LRRTM4: variants seen among roughly 807,000 people sequenced by gnomAD.
LRRTM4 encodes leucine-rich repeat transmembrane neuronal protein 4.
In LRRTM4, 25 loss-of-function variants were observed where a neutral mutation model predicts 47.6. That is an observed-to-expected ratio of 0.53 (90% CI 0.38 to 0.73). LRRTM4 has a LOEUF of 0.73. Among genes scored for constraint, LRRTM4 ranks in the 30% least tolerant of loss-of-function variants. The pLI is 0.00. For synonymous variants in LRRTM4, 311 were observed against 269.5 expected (o/e 1.15, Z -1.51); for missense variants, 638 against 713.4 (o/e 0.89, Z 1.20).
intron 3 of LRRTM4, among the ~76,000 whole-genome samples, chr2:76,954,255 T>C (rs1675596909): frequency 2.0e-5 from 3 of 151,472 alleles, no homozygotes; most frequent in Admixed American, 6.6e-5. Flanking sequence ...TGTATATAAA[T>C]TACATAACAA....
chr2:77,138,235 C>A (rs1052543801), intron 3 of LRRTM4, among the ~76,000 whole-genome samples: 15 of 152,158 alleles, frequency 9.9e-5, no homozygotes, highest in Non-Finnish European at 2.2e-4. Context: ...AAGCACTCCT[C>A]AGCAAATGTA....
chr2:77,323,236 A>AG (rs1670614270), intron 3 of LRRTM4, among the ~76,000 whole-genome samples: 1 of 152,000 alleles, frequency 6.6e-6, no homozygotes, highest in Admixed American at 6.6e-5. Context: ...AATGCCAGAA[A>AG]TTTTTCCCCA....
Position 77,237,984 on chromosome 2 carries a change from G to A in LRRTM4, c.1551+280334C>T, listed in dbSNP as rs1403926502. ...GGTTGATAATAAACTGGTTGCTATG[G>A]GTATGGGGTGGGGAGGAAATGAAGA... On this transcript the variant is annotated intron_variant, in intron 3 of 3. Coordinates refer to ENST00000409884, the MANE Select transcript of LRRTM4 (RefSeq NM_001134745.3). Among the ~76,000 whole-genome samples, 3 of 152,034 alleles carry A rather than the reference G, an allele frequency of 2.0e-5. No homozygotes were observed. In the East Asian group the frequency reaches 5.8e-4, roughly 29 times the overall value.
At chr2:76,849,143 A>G (rs537207191) in intron 3 of LRRTM4, among the ~76,000 whole-genome samples, 7 of 152,090 alleles carry the variant, frequency 4.6e-5, no homozygotes, top group Non-Finnish European at 8.8e-5. Flanking sequence ...CACAGTATTA[A>G]TAATAGCTGA....
chr2:77,254,050 A>G (rs935488982), intron 3 of LRRTM4, among the ~76,000 whole-genome samples: 1 of 152,120 alleles, frequency 6.6e-6, no homozygotes, highest in African/African-American at 2.4e-5. Flanking sequence ...ATATACACAC[A>G]CATACATCAT....
intron 3 of LRRTM4, among the ~76,000 whole-genome samples, chr2:77,286,374 A>T (rs1246354816): frequency 6.6e-6 from 1 of 152,030 alleles, no homozygotes; most frequent in African/African-American, 2.4e-5. Flanking sequence ...TTAATTTTTT[A>T]AATTGTTACT....
intron 3 of LRRTM4, among the ~76,000 whole-genome samples, chr2:77,097,791 G>A (rs1037343280): frequency 2.0e-5 from 3 of 151,804 alleles, no homozygotes; most frequent in African/African-American, 7.3e-5. Flanking sequence ...AGAGAACAAT[G>A]TGACACAAAA....
intron 3 of LRRTM4, among the ~76,000 whole-genome samples, chr2:77,064,249 AAAG>A (rs1235276854): frequency 2.6e-5 from 4 of 152,190 alleles, no homozygotes; most frequent in African/African-American, 4.8e-5. Context: ...GCATAAGCTT[AAAG>A]AAGTGATAAC....
chr2:77,157,307 A>C (rs565611107), intron 3 of LRRTM4, among the ~76,000 whole-genome samples: 1 of 152,174 alleles, frequency 6.6e-6, no homozygotes, highest in Non-Finnish European at 1.5e-5. Context: ...GGGAATCATC[A>C]TATCAGTAAG....
chr2:77,070,357 G>A (rs1441178953), intron 3 of LRRTM4, among the ~76,000 whole-genome samples: 1 of 151,980 alleles, frequency 6.6e-6, no homozygotes, highest in African/African-American at 2.4e-5. Context: ...TTTATTGAGA[G>A]ACAAATTTTC....
chr2:76,991,780 T>C (rs1558783079), intron 3 of LRRTM4, among the ~76,000 whole-genome samples: 5 of 151,670 alleles, frequency 3.3e-5, no homozygotes, highest in Non-Finnish European at 7.4e-5. Context: ...CCCTAAATCA[T>C]TCTATGAATC....
At chr2:76,853,165 T>C (rs1929443) in intron 3 of LRRTM4, among the ~76,000 whole-genome samples, 20,888 of 151,952 alleles carry the variant, frequency 0.14, 1,829 homozygotes, top group Admixed American at 0.2. Flanking sequence ...GCAATCACAT[T>C]TGGTGTTAGA....
intron 3 of LRRTM4, among the ~76,000 whole-genome samples, chr2:76,896,606 TAG>T: frequency 6.6e-6 from 1 of 152,002 alleles, no homozygotes; most frequent in South Asian, 2.1e-4. Context: ...GTCAATTGTT[TAG>T]AGAGTTTTTT....
chr2:76,771,572 T>C (rs1673707301), intron 3 of LRRTM4, among the ~76,000 whole-genome samples: 1 of 150,690 alleles, frequency 6.6e-6, no homozygotes, highest in Non-Finnish European at 1.5e-5. Context: ...CTTCGGGCTT[T>C]GGCTAAAACA....
chr2:77,135,652 G>T (rs1572996402), intron 3 of LRRTM4, among the ~76,000 whole-genome samples: 1 of 152,110 alleles, frequency 6.6e-6, no homozygotes, highest in African/African-American at 2.4e-5. Flanking sequence ...GAACCAGAAA[G>T]CTATGGAGAA....
Position 77,060,373 on chromosome 2 carries a change from TGAAAA to T in LRRTM4, c.1552-311462_1552-311458del, listed in dbSNP as rs768798854. Among the ~76,000 whole-genome samples the T allele has an allele frequency of 6.8e-4, 103 of 152,092 alleles. 1 individual carries two copies. The highest frequency in any genetic ancestry group is 1.6e-4 in the Non-Finnish European group (11 of 68,016). ...GCTATTGGCTTTATTGAATAGTAAA[TGAAAA>T]GAATTCAGATTAAATGTCCTCAGAA... On this transcript the variant is annotated intron_variant, in intron 3 of 3. Coordinates refer to ENST00000409884, the MANE Select transcript of LRRTM4 (RefSeq NM_001134745.3).
At chr2:77,003,819 CAT>C (rs770207552) in intron 3 of LRRTM4, among the ~76,000 whole-genome samples, 24 of 152,048 alleles carry the variant, frequency 1.6e-4, no homozygotes, top group South Asian at 4.1e-4. Flanking sequence ...AAGACAGAAA[CAT>C]GTGGAAAAGT....
chr2:76,826,843 A>C (rs1027269575), intron 3 of LRRTM4, among the ~76,000 whole-genome samples: 1 of 151,836 alleles, frequency 6.6e-6, no homozygotes, highest in African/African-American at 2.4e-5. Flanking sequence ...AATAAAAATA[A>C]CTGTAAAGTT....
chr2:77,041,322 G>A (rs944650130), intron 3 of LRRTM4, among the ~76,000 whole-genome samples: 1 of 151,458 alleles, frequency 6.6e-6, no homozygotes, highest in Non-Finnish European at 1.5e-5. Flanking sequence ...CCATTCATTT[G>A]TTGATTGATA....
Sources: gnomAD v4.1 joint callset for allele counts (sites outside exome capture counted in the v4.1 genomes callset) on GRCh38, gnomAD v4.1.1 for gene constraint, MANE v1.5 for transcripts, NCBI Gene and HGNC (gene_info 2026-07-23, HGNC 2026-07-21) for gene names.